SCAMP2: variants seen among roughly 807,000 people sequenced by gnomAD.
The protein encoded by SCAMP2 is secretory carrier-associated membrane protein 2.
A neutral mutation model predicts 44.1 loss-of-function variants in SCAMP2; 25 were observed. The ratio of observed to expected loss-of-function variants is 0.57; its 90% CI spans 0.41 to 0.79. SCAMP2 has a LOEUF of 0.79. Among genes scored for constraint, SCAMP2 ranks in the 30% least tolerant of loss-of-function variants. The pLI is 0.00. For synonymous variants in SCAMP2, 156 were observed against 166.0 expected (o/e 0.94, Z 0.46); for missense variants, 355 against 411.0 (o/e 0.86, Z 1.18).
At chr15:74,872,958 TC>T in intron 1 of SCAMP2, 1 of 460,234 alleles carries the variant, frequency 2.2e-6, no homozygotes, top group Non-Finnish European at 3.8e-6. Flanking sequence ...CAGCCCAGCC[TC>T]CGGGTGCTAG....
At chr15:74,860,092 CTCTT>C (rs1423525105) in intron 1 of SCAMP2, among the ~76,000 whole-genome samples, 1 of 152,124 alleles carries the variant, frequency 6.6e-6, no homozygotes, top group Non-Finnish European at 1.5e-5. Flanking sequence ...GAGACCCTGT[CTCTT>C]TTTTTTCATA....
Position 74,851,492 on chromosome 15 carries a change from C to A in SCAMP2, c.344-11G>T. On this transcript the variant is annotated splice_polypyrimidine_tract_variant and intron_variant, in intron 4 of 8. Transcript: ENST00000268099. ...AGTTGTTCTGTCTCACTGGGTAGGG[C>A]AAAAAGAGTGACGAGGTAAGGGCCC... 6.2e-7 allele frequency: 1 copy of A among 1,612,868 alleles called. No individual in the cohort carries two copies. Among genetic ancestry groups the A allele is most frequent in the Middle Eastern group, 1.7e-4 (1 of 6,022 alleles).
intron 1 of SCAMP2, among the ~76,000 whole-genome samples, chr15:74,865,546 T>C (rs1013949490): frequency 6.6e-6 from 1 of 150,910 alleles, no homozygotes; most frequent in Non-Finnish European, 1.5e-5. Flanking sequence ...ATATTTCTGG[T>C]TGGAAGGATT....
At chr15:74,860,550 T>A (rs997707048) in intron 1 of SCAMP2, among the ~76,000 whole-genome samples, 2 of 151,660 alleles carry the variant, frequency 1.3e-5, no homozygotes, top group African/African-American at 4.8e-5. Flanking sequence ...TAGCTGGGCG[T>A]GGTGGCAGGC....
chr15:74,864,182 C>T (rs2064526922), intron 1 of SCAMP2, among the ~76,000 whole-genome samples: 1 of 152,180 alleles, frequency 6.6e-6, no homozygotes, highest in Non-Finnish European at 1.5e-5. Context: ...CTGCCTCAGC[C>T]TCCTGAGTAG....
At chr15:74,872,069 A>AC (rs1046557974) in intron 1 of SCAMP2, among the ~76,000 whole-genome samples, 2 of 151,510 alleles carry the variant, frequency 1.3e-5, no homozygotes, top group Non-Finnish European at 2.9e-5. Flanking sequence ...ACAAAACAAA[A>AC]AAAAAGGAAA....
intron 7 of SCAMP2, among the ~76,000 whole-genome samples, chr15:74,848,042 A>G (rs981351813): frequency 5.9e-5 from 9 of 151,920 alleles, no homozygotes; most frequent in African/African-American, 1.9e-4. Context: ...AATACCCTGG[A>G]AAGTGGAGAG....
At chr15:74,853,568 C>G (rs1254991103) in intron 3 of SCAMP2, 1 of 423,156 alleles carries the variant, frequency 2.4e-6, no homozygotes, top group Non-Finnish European at 4.8e-6. Context: ...GGCAGTGAGG[C>G]GGCGCAGTGG....
chr15:74,848,805 T>C (rs554602548), intron 6 of SCAMP2, 104 bp from the exon 7 acceptor site: 140 of 772,262 alleles, frequency 1.8e-4, no homozygotes, highest in Middle Eastern at 1.4e-3. Flanking sequence ...GGAGGCAGCA[T>C]GGGCAAGAGA....
At chr15:74,850,427 C>G in intron 6 of SCAMP2, 87 bp downstream of exon 6, 1 of 1,177,526 alleles carries the variant, frequency 8.5e-7, no homozygotes, top group South Asian at 1.3e-5. Context: ...CTCTAAGACT[C>G]AGATGGGGTC....
chr15:74,870,558 GA>G (rs796353236), intron 1 of SCAMP2, among the ~76,000 whole-genome samples: 11 of 149,396 alleles, frequency 7.4e-5, no homozygotes, highest in Admixed American at 1.3e-4. Context: ...GACATTGGCA[GA>G]AAAAAAAAAT....
intron 1 of SCAMP2, among the ~76,000 whole-genome samples, chr15:74,864,268 A>G (rs979904697): frequency 2.0e-5 from 3 of 152,236 alleles, no homozygotes; most frequent in Non-Finnish European, 4.4e-5. Flanking sequence ...TCACCGTGTT[A>G]GCCAGGATGG....
chr15:74,852,030 C>T (rs758776942), intron 4 of SCAMP2, 39 bp downstream of exon 4: 1 of 1,432,376 alleles, frequency 7.0e-7, no homozygotes, highest in South Asian at 1.3e-5. Flanking sequence ...CTCTTCTATG[C>T]CAGGCAGGGC....
In SCAMP2 at chr15:74,845,548, G is replaced by T. The variant is rs757830192; in HGVS notation, c.780C>A (p.Ala260=). ...CCACCACCATCATGATGACTGATAT[G>T]GCCAGGGAATGATTATCCAGTGTAG... ...ALSTLDNHSL[A]ISVIMMVVAG... Residue 260 remains alanine (A), a synonymous_variant, in exon 8 of 9, where the codon GCC becomes GCA. Coordinates refer to ENST00000268099, the MANE Select transcript of SCAMP2 (RefSeq NM_005697.5). The T allele has an allele frequency of 1.2e-5, 20 of 1,614,158 alleles. No individual in the cohort carries two copies. The highest frequency in any genetic ancestry group is 1.7e-5 in the Non-Finnish European group (20 of 1,180,026).
At chr15:74,860,695 A>AAG (rs1381326046) in intron 1 of SCAMP2, among the ~76,000 whole-genome samples, 3 of 149,100 alleles carry the variant, frequency 2.0e-5, no homozygotes, top group African/African-American at 7.4e-5. Flanking sequence ...TAAAAAAAAA[A>AAG]AAAAAAAAAA....
At chr15:74,866,209 G>C (rs2064543310) in intron 1 of SCAMP2, among the ~76,000 whole-genome samples, 1 of 151,646 alleles carries the variant, frequency 6.6e-6, no homozygotes, top group African/African-American at 2.4e-5. Context: ...AAGAGGCCAA[G>C]GATGGAGAGA....
At chr15:74,858,171 C>T (rs1055449474) in intron 1 of SCAMP2, among the ~76,000 whole-genome samples, 1 of 152,134 alleles carries the variant, frequency 6.6e-6, no homozygotes, top group African/African-American at 2.4e-5. Context: ...AGGAAGCTGA[C>T]ATTTACTTAG....
chr15:74,870,237 T>C (rs921077975), intron 1 of SCAMP2, among the ~76,000 whole-genome samples: 1 of 152,190 alleles, frequency 6.6e-6, no homozygotes, highest in Non-Finnish European at 1.5e-5. Context: ...AAGTTACTTC[T>C]ACCACAGTTT....
intron 7 of SCAMP2, among the ~76,000 whole-genome samples, chr15:74,846,357 A>T (rs548918606): frequency 6.6e-6 from 1 of 151,468 alleles, no homozygotes; most frequent in Non-Finnish European, 1.5e-5. Context: ...AGGTAGGAGG[A>T]TCACTTGAGC....
Sources: allele counts gnomAD v4.1 joint callset (sites outside exome capture counted in the v4.1 genomes callset), GRCh38; gene constraint gnomAD v4.1.1; transcripts MANE v1.5; gene names NCBI Gene and HGNC (gene_info 2026-07-23, HGNC 2026-07-21).